The following ARFGEF3 variants were observed in gnomAD, a reference collection of about 807,000 sequenced individuals.
ARFGEF3 encodes ARFGEF family member 3.
In ARFGEF3, 96 loss-of-function variants were observed where a neutral mutation model predicts 221.7. That is an observed-to-expected ratio of 0.43 (90% CI 0.37 to 0.51). ARFGEF3 has a LOEUF of 0.51. ARFGEF3 is among the 20% of genes least tolerant of loss of function. ARFGEF3 has a pLI of 0.00. For missense variants in ARFGEF3, 2,410 were observed against 2,789.9 expected (o/e 0.86, Z 3.07); for synonymous variants, 1,145 against 1,126.8 (o/e 1.02, Z -0.32).
intron 8 of ARFGEF3, among the ~76,000 whole-genome samples, chr6:138,247,402 A>G (rs1326675470): frequency 6.6e-6 from 1 of 151,996 alleles, no homozygotes; most frequent in East Asian, 1.9e-4. Flanking sequence ...TTCACTCTCA[A>G]AGGTGTTCTG....
In ARFGEF3 at chr6:138,186,338, T is replaced by C. The variant is rs184752493; in HGVS notation, c.137+15625T>C. ...GCTATTTTCCTCATGTAACAGGCTG[T>C]CTGGAGGTCGGCTTTCAGCACTGAT... On this transcript the variant is annotated intron_variant, in intron 2 of 33. Transcript: ENST00000251691. 2.3e-3 allele frequency among the ~76,000 whole-genome samples: 344 copies of C among 152,342 alleles called. 1 individual carries two copies. Among genetic ancestry groups the C allele is most frequent in the African/African-American group, 7.8e-3 (323 of 41,576 alleles).
chr6:138,312,709 A>G (rs1779851301), intron 25 of ARFGEF3, among the ~76,000 whole-genome samples: 1 of 151,884 alleles, frequency 6.6e-6, no homozygotes, highest in Admixed American at 6.6e-5. Context: ...AAGATCCCCC[A>G]CTTTTTTGTT....
chr6:138,218,363 C>G, intron 4 of ARFGEF3: 2 of 1,545,698 alleles, frequency 1.3e-6, no homozygotes, highest in South Asian at 1.2e-5. Flanking sequence ...TGTGCATATC[C>G]TCATATTTCT....
At chr6:138,171,216 G>A (rs1464096683) in intron 2 of ARFGEF3, among the ~76,000 whole-genome samples, 1 of 151,716 alleles carries the variant, frequency 6.6e-6, no homozygotes, top group Non-Finnish European at 1.5e-5. Flanking sequence ...CATGAGCTGG[G>A]ATATTTCATG....
chr6:138,277,615 A>G (rs981493350), intron 12 of ARFGEF3, among the ~76,000 whole-genome samples: 4 of 152,222 alleles, frequency 2.6e-5, no homozygotes, highest in African/African-American at 9.6e-5. Flanking sequence ...CCATGCAATC[A>G]TATCCATTAA....
rs1431220747 is a variant in ARFGEF3, at chr6:138,337,723, T to G, written c.*1237T>G. On this transcript the variant is annotated 3_prime_UTR_variant, in exon 34 of 34. Transcript: ENST00000251691. ...TTTGCATTCAGACCAATATTTCAGG[T>G]GGATATTTCTAAGTATTACTAGAAA... The G allele has an allele frequency of 6.6e-6, 1 of 152,226 alleles. No homozygotes were observed. Among genetic ancestry groups the G allele is most frequent in the African/African-American group, 2.4e-5 (1 of 41,450 alleles). The allele number at this position is 152,226 out of a possible 1,614,324, so 9.4% of individuals were successfully genotyped here.
At chr6:138,309,349 G>A (rs1276568216) in intron 24 of ARFGEF3, among the ~76,000 whole-genome samples, 1 of 152,094 alleles carries the variant, frequency 6.6e-6, no homozygotes, top group Non-Finnish European at 1.5e-5. Context: ...TTGTTAAGGT[G>A]TTTCTAAATT....
At chr6:138,298,079 T>C (rs909897664) in intron 21 of ARFGEF3, among the ~76,000 whole-genome samples, 4 of 152,220 alleles carry the variant, frequency 2.6e-5, no homozygotes, top group African/African-American at 9.7e-5. Flanking sequence ...TGATGTTTGC[T>C]TGTGTTCCAC....
In ARFGEF3 at chr6:138,336,415, G is replaced by A. The variant is rs373010266; in HGVS notation, c.6463G>A (p.Asp2155Asn). Residue 2155 changes from aspartate to asparagine, a missense_variant, in exon 34 of 34, where the codon GAC (aspartate) becomes AAC (asparagine). Asp to Asn is a conservative substitution (Grantham distance 23, BLOSUM62 1). Coordinates refer to ENST00000251691, the MANE Select transcript of ARFGEF3 (RefSeq NM_020340.5). The part of the protein sequence containing the change: ...CISQLTCHVT[D>N]IRVRQAVREW... Reference sequence around the variant, plus strand: ...CAGTCAGCTGACCTGTCACGTGACCGACATCAGAGTTCGCCAGGCTGTGAG... The same window carrying A: ...CAGTCAGCTGACCTGTCACGTGACCAACATCAGAGTTCGCCAGGCTGTGAG... 5.0e-6 allele frequency: 8 copies of A among 1,613,262 alleles called. No individual in the cohort carries two copies. In the African/African-American group the frequency reaches 6.7e-5, roughly 13 times the overall value.
At chr6:138,263,887 T>C (rs1463480455) in intron 12 of ARFGEF3, among the ~76,000 whole-genome samples, 1 of 152,212 alleles carries the variant, frequency 6.6e-6, no homozygotes, top group South Asian at 2.1e-4. Flanking sequence ...AGAAAGGTGC[T>C]ACTGATTGAA....
Position 138,336,468 on chromosome 6 carries a change from C to T in ARFGEF3, c.6516C>T (p.Val2172=). The change falls in exon 34 of 34, where the codon GTC becomes GTT. Residue 2172 remains valine (V), a synonymous_variant. Coordinates refer to ENST00000251691, the MANE Select transcript of ARFGEF3 (RefSeq NM_020340.5). The part of the protein sequence containing the change: ...VREWLGRVGR[V]YDIIV ...AGTGGCTGGGCAGGGTGGGCCGTGT[C>T]TATGACATCATTGTGTAGCCGACTC... 2 of 1,609,504 alleles carry T rather than the reference C, an allele frequency of 1.2e-6. No individual in the cohort carries two copies. The highest frequency in any genetic ancestry group is 1.7e-6 in the Non-Finnish European group (2 of 1,177,930).
rs533714741 is a variant in ARFGEF3 at position 138,319,608 on chromosome 6, G to A, written c.4475-95G>A. The A allele has an allele frequency of 3.2e-5, 27 of 833,730 alleles. No individual in the cohort carries two copies. The South Asian group carries it at 5.0e-4, about 15-fold the overall frequency. The allele number at this position is 833,730 out of a possible 1,614,324, so 51.6% of individuals were successfully genotyped here. A position where few individuals can be genotyped will look rare whatever the true frequency, so the allele number is the denominator to read the frequency against. ...TTTTCCCTGCACTTTCTCAGCAAATGTAGGGATCCTTCCAAAGAGATCAAC... is the reference window on the plus strand; with the variant it reads ...TTTTCCCTGCACTTTCTCAGCAAATATAGGGATCCTTCCAAAGAGATCAAC... On this transcript the variant is annotated intron_variant, in intron 27 of 33. Coordinates refer to ENST00000251691, the MANE Select transcript of ARFGEF3 (RefSeq NM_020340.5).
At chr6:138,327,299 G>T (rs572239757) in intron 31 of ARFGEF3, among the ~76,000 whole-genome samples, 3 of 150,580 alleles carry the variant, frequency 2.0e-5, no homozygotes, top group Admixed American at 6.6e-5. Context: ...AAAATAGCTG[G>T]GCATAGTGGT....
intron 1 of ARFGEF3, among the ~76,000 whole-genome samples, chr6:138,170,232 TAAG>T (rs906560942): frequency 2.8e-4 from 43 of 152,036 alleles, no homozygotes; most frequent in African/African-American, 1.0e-3. Context: ...ATGAGAATAA[TAAG>T]ATGTTGTGTA....
In ARFGEF3 at chr6:138,278,489, C is replaced by G; in HGVS notation, c.2167C>G (p.Leu723Val). 6.2e-7 allele frequency: 1 copy of G among 1,613,986 alleles called. No individual in the cohort carries two copies. Among genetic ancestry groups the G allele is most frequent in the East Asian group, 2.2e-5 (1 of 44,878 alleles). ...HSPGFDGNSS[L>V]SFQMLMNADS... ...TCCTGGCTTTGACGGGAATAGCAGC[C>G]TCAGCTTCCAGATGCTGATGAACGC... The change falls in exon 13 of 34, where the codon CTC becomes GTC. Residue 723 changes from leucine (L) to valine (V), a missense_variant. Leu to Val is a conservative substitution (Grantham distance 32). Around this residue, in one of 5 missense-constraint regions of ARFGEF3, gnomAD observed 594 missense variants for 734.3 expected, o/e 0.81. Transcript: ENST00000251691.
At chr6:138,300,440 TA>T (rs1482931719) in intron 22 of ARFGEF3, among the ~76,000 whole-genome samples, 1 of 151,854 alleles carries the variant, frequency 6.6e-6, no homozygotes, top group Non-Finnish European at 1.5e-5. Context: ...AGGGAACAAC[TA>T]AAAAAAGTTG....
At chr6:138,295,952 T>A (rs1779503875) in intron 20 of ARFGEF3, among the ~76,000 whole-genome samples, 1 of 152,166 alleles carries the variant, frequency 6.6e-6, no homozygotes, top group Non-Finnish European at 1.5e-5. Context: ...GAATTTTGTG[T>A]TTAGACTTGG....
At chr6:138,188,403 T>C (rs2114462744) in intron 2 of ARFGEF3, among the ~76,000 whole-genome samples, 1 of 152,340 alleles carries the variant, frequency 6.6e-6, no homozygotes, top group South Asian at 2.1e-4. Flanking sequence ...CTGTCTTAGT[T>C]TGACTGTCTT....
chr6:138,219,151 A>T (rs1777932298), intron 4 of ARFGEF3, among the ~76,000 whole-genome samples: 1 of 152,200 alleles, frequency 6.6e-6, no homozygotes, highest in Admixed American at 6.5e-5. Flanking sequence ...AGGAAGAAGC[A>T]TGTTTAGCAG....
Sources: allele counts gnomAD v4.1 joint callset (sites outside exome capture counted in the v4.1 genomes callset), GRCh38; gene constraint gnomAD v4.1.1; regional missense constraint gnomAD v4.1.1; transcripts MANE v1.5; gene names NCBI Gene and HGNC (gene_info 2026-07-23, HGNC 2026-07-21).